Variants in AMH observed in about 807,000 individuals in gnomAD.
AMH encodes anti-Mullerian hormone.
A neutral mutation model predicts 33.3 loss-of-function variants in AMH; 39 were observed. That is an observed-to-expected ratio of 1.17 (90% CI 0.91 to 1.53). The LOEUF (loss-of-function observed/expected upper bound fraction) is 1.53, where lower values mean the gene tolerates loss of function less well. Ranked by LOEUF, AMH falls within the 40% of genes most tolerant of loss-of-function variation. The pLI is 0.00. For missense variants in AMH, 1,019 were observed against 799.8 expected (o/e 1.27, Z -3.30); for synonymous variants, 536 against 403.0 (o/e 1.33, Z -3.95).
Position 2,251,531 on chromosome 19 carries a change from C to T in AMH, c.1257C>T (p.Gly419=), listed in dbSNP as rs1443896313. Residue 419 remains glycine (G), a synonymous_variant, in exon 5 of 5, where the codon GGC becomes GGT. Transcript: ENST00000221496. ...GCCCAGGTGGCCCCGGCGGCCTCGG[C>T]GATCCCCTGCGAGCGCTGCTGCTCC... ...ALCPGGPGGL[G]DPLRALLLLK... 1 of 1,340,306 alleles carries T rather than the reference C, an allele frequency of 7.5e-7. No homozygotes were observed. The highest frequency in any genetic ancestry group is 9.5e-7 in the Non-Finnish European group (1 of 1,048,118). The allele number at this position is 1,340,306 out of a possible 1,614,324, so 83.0% of individuals were successfully genotyped here. A position where few individuals can be genotyped will look rare whatever the true frequency, so the allele number is the denominator to read the frequency against.
intron 1 of AMH, chr19:2,249,970 A>G (rs1332338126): frequency 6.3e-6 from 4 of 633,110 alleles, no homozygotes; most frequent in South Asian, 2.1e-5. Flanking sequence ...TGCCAGGGAG[A>G]GAGCTGCTGC....
chr19:2,250,389 A>T lies in AMH; in HGVS notation c.465A>T (p.Gly155=). Residue 155 remains glycine, a synonymous_variant, in exon 2 of 5, where the codon GGA becomes GGT. Coordinates refer to ENST00000221496, the MANE Select transcript of AMH (RefSeq NM_000479.5). ...GGTTCCAGGAGCCCCCGCCTGGAGG[A>T]GCTGGCCCCCCAGAGCTGGCGCTGC... ...SLRFQEPPPG[G]AGPPELALLV... is the part of the protein sequence containing the mutation. 2 of 1,588,324 alleles carry T rather than the reference A, an allele frequency of 1.3e-6. No homozygotes were observed. Among genetic ancestry groups the T allele is most frequent in the Non-Finnish European group, 1.7e-6 (2 of 1,169,066 alleles).
chr19:2,250,823 G>A (rs2025025324), intron 3 of AMH, 26 bp from the exon 4 acceptor site: 3 of 1,546,952 alleles, frequency 1.9e-6, no homozygotes, highest in Non-Finnish European at 2.6e-6. Context: ...CAGCCCCTGA[G>A]CCAGCCGCGT....
chr19:2,250,808 GC>G (rs754303247), intron 3 of AMH, 40 bp from the exon 4 acceptor site: 2 of 1,539,440 alleles, frequency 1.3e-6, no homozygotes, highest in East Asian at 2.4e-5. Context: ...CTGCCCCCGG[GC>G]CCCCAGCCCC....
Position 2,249,626 on chromosome 19 carries a change from C to A in AMH, c.294C>A (p.Ala98=). The A allele has an allele frequency of 1.3e-6, 2 of 1,537,682 alleles. No homozygotes were observed. The highest frequency in any genetic ancestry group is 1.7e-4 in the Middle Eastern group (1 of 5,834). ...QRARWGPRDL[A]TFGVCNTGDR... is the part of the protein sequence containing the mutation. ...CCCGCTGGGGCCCCCGAGACCTGGC[C>A]ACCTTCGGGGTCTGCAACACCGGTG... Residue 98 remains alanine, a synonymous_variant, in exon 1 of 5, where the codon GCC becomes GCA. Coordinates refer to ENST00000221496, the MANE Select transcript of AMH (RefSeq NM_000479.5).
chr19:2,249,675 C>G lies in AMH; in HGVS notation c.343C>G (p.Leu115Val), dbSNP rs765849591. ...TGDRQAALPS[L>V]RRLGAWLRDP... Reference sequence around the variant, plus strand: ...TGACAGGCAGGCTGCCTTGCCCTCTCTACGGCGGCTGGGGGCCTGGCTGCG... The same window carrying G: ...TGACAGGCAGGCTGCCTTGCCCTCTGTACGGCGGCTGGGGGCCTGGCTGCG... The change falls in exon 1 of 5, where the codon CTA (leucine) becomes GTA (valine). Residue 115 changes from leucine to valine, a missense_variant. Coordinates refer to ENST00000221496, the MANE Select transcript of AMH (RefSeq NM_000479.5). 4.0e-6 allele frequency: 6 copies of G among 1,503,614 alleles called. No individual in the cohort carries two copies. The highest frequency in any genetic ancestry group is 2.8e-5 in the African/African-American group (2 of 71,692). 93.1% of individuals were successfully genotyped at this position (1,503,614 alleles called of 1,614,324 possible). A position where few individuals can be genotyped will look rare whatever the true frequency, so the allele number is the denominator to read the frequency against.
At chr19:2,249,840 C>T in intron 1 of AMH, 96 bp downstream of exon 1, 2 of 1,354,040 alleles carry the variant, frequency 1.5e-6, no homozygotes, top group South Asian at 1.6e-5. Flanking sequence ...AGCCCCCACC[C>T]TGGGCAGGGA....
At position 2,251,837 on chromosome 19, in the gene AMH, G is replaced by A. The variant is rs149702309; in HGVS notation, c.1563G>A (p.Ala521=). 3 of 1,599,082 alleles carry A rather than the reference G, an allele frequency of 1.9e-6. No individual in the cohort carries two copies. Among genetic ancestry groups the A allele is most frequent in the Non-Finnish European group, 2.5e-6 (3 of 1,177,452 alleles). Residue 521 remains alanine, a synonymous_variant, in exon 5 of 5, where the codon GCG becomes GCA. Transcript: ENST00000221496. ...TGCAGGTCCGTGGGGCCGCCCTGGC[G>A]CGCCCACCCTGCTGCGTGCCCACCG... is the stretch of plus-strand genomic sequence containing the variant. ...LKMQVRGAAL[A]RPPCCVPTAY...
chr19:2,249,825 G>A, intron 1 of AMH, 81 bp downstream of exon 1: 1 of 1,388,768 alleles, frequency 7.2e-7, no homozygotes, highest in Non-Finnish European at 9.4e-7. Flanking sequence ...ATCAGGGGCT[G>A]GCAGAGCCCC....
At chr19:2,250,210 G>A (rs2025004182) in intron 1 of AMH, 127 bp from the exon 2 acceptor site, 3 of 1,458,966 alleles carry the variant, frequency 2.1e-6, no homozygotes, top group African/African-American at 1.4e-5. Context: ...AGGCAGCTAA[G>A]AGGGGCACCC....
chr19:2,251,218 T>G lies in AMH; in HGVS notation c.944T>G (p.Leu315Arg). The change falls in exon 5 of 5, where the codon CTG (leucine) becomes CGG (arginine). Residue 315 changes from leucine to arginine, a missense_variant. By Grantham distance (102) the Leu-to-Arg change is moderately radical. Coordinates refer to ENST00000221496, the MANE Select transcript of AMH (RefSeq NM_000479.5). ...PARASAPRLA[L>R]DPDALAGFPQ... ...CGGGCCTCCGCGCCGCGCCTGGCCC[T>G]GGATCCGGACGCGCTGGCCGGCTTC... 1 of 1,503,164 alleles carries G rather than the reference T, an allele frequency of 6.7e-7. No individual in the cohort carries two copies. The highest frequency in any genetic ancestry group is 1.4e-5 in the African/African-American group (1 of 69,066). 93.1% of individuals were successfully genotyped at this position (1,503,164 alleles called of 1,614,324 possible).
Position 2,250,633 on chromosome 19 carries a change from T to C in AMH, c.556-19T>C. On this transcript the variant is annotated intron_variant, in intron 2 of 4. Transcript: ENST00000221496. ...TGGGTAAGCCTCCATCCAGCCGGGC[T>C]GAGCCCTGGTCTCCGCAGAGCCTCT... 6.5e-7 allele frequency: 1 copy of C among 1,538,174 alleles called. No homozygotes were observed.
At position 2,249,590 on chromosome 19, in the gene AMH, C is replaced by A. The variant is rs111431303; in HGVS notation, c.258C>A (p.Ala86=). The part of the protein sequence containing the change: ...LSAYEQAFLG[A]VQRARWGPRD... ...CCTATGAGCAGGCCTTCCTGGGGGC[C>A]GTGCAGAGGGCCCGCTGGGGCCCCC... Residue 86 remains alanine (A), a synonymous_variant, in exon 1 of 5, where the codon GCC becomes GCA. Transcript: ENST00000221496. 1.3e-6 allele frequency: 2 copies of A among 1,560,004 alleles called. No individual in the cohort carries two copies. The highest frequency in any genetic ancestry group is 1.2e-5 in the South Asian group (1 of 86,418).
chr19:2,251,905 T>C lies in AMH; in HGVS notation c.1631T>C (p.Ile544Thr). The stretch of plus-strand genomic sequence containing the variant: ...CTCATCAGCCTGTCGGAGGAGCGCA[T>C]CAGCGCGCACCACGTGCCCAACATG... ...KLLISLSEER[I>T]SAHHVPNMVA... The change falls in exon 5 of 5, where the codon ATC becomes ACC. Residue 544 changes from isoleucine (I) to threonine (T), a missense_variant. Coordinates refer to ENST00000221496, the MANE Select transcript of AMH (RefSeq NM_000479.5). 6.4e-7 allele frequency: 1 copy of C among 1,565,740 alleles called. No individual in the cohort carries two copies. The highest frequency in any genetic ancestry group is 8.6e-7 in the Non-Finnish European group (1 of 1,164,276).
rs1470345472 is a variant in AMH, at chr19:2,251,270, C to T, written c.996C>T (p.Asp332=). 3 of 1,504,832 alleles carry T rather than the reference C, an allele frequency of 2.0e-6. No homozygotes were observed. The highest frequency in any genetic ancestry group is 2.6e-6 in the Non-Finnish European group (3 of 1,134,688). The allele number at this position is 1,504,832 out of a possible 1,614,324, so 93.2% of individuals were successfully genotyped here. Reference sequence around the variant, plus strand: ...CGCAGGGCCTAGTCAACCTGTCGGACCCCGCGGCGCTGGAGCGCCTACTCG... The same window carrying T: ...CGCAGGGCCTAGTCAACCTGTCGGATCCCGCGGCGCTGGAGCGCCTACTCG... The part of the protein sequence containing the change: ...GFPQGLVNLS[D]PAALERLLDG... The change falls in exon 5 of 5, where the codon GAC becomes GAT. Residue 332 remains aspartate (D), a synonymous_variant. Coordinates refer to ENST00000221496, the MANE Select transcript of AMH (RefSeq NM_000479.5).
In AMH at chr19:2,250,479, G is replaced by A. The variant is rs2145027798; in HGVS notation, c.555G>A (p.Gln185=). Residue 185 remains glutamine, a splice_region_variant and synonymous_variant, in exon 2 of 5, where the codon CAG becomes CAA. Coordinates refer to ENST00000221496, the MANE Select transcript of AMH (RefSeq NM_000479.5). ...TVTRAGLPGA[Q]SLCPSRDTRY... ...CGAGGGCTGGGCTGCCGGGTGCCCA[G>A]GTACCAGGGAGTTGCATGGGGCAGT... The A allele has an allele frequency of 6.5e-7, 1 of 1,548,054 alleles. No homozygotes were observed. Among genetic ancestry groups the A allele is most frequent in the Non-Finnish European group, 8.7e-7 (1 of 1,147,140 alleles).
In AMH at chr19:2,249,445, T is replaced by C. The variant is rs1350913582; in HGVS notation, c.113T>C (p.Ile38Thr). 1.9e-6 allele frequency: 3 copies of C among 1,604,142 alleles called. No homozygotes were observed. Among genetic ancestry groups the C allele is most frequent in the East Asian group, 2.2e-5 (1 of 44,514 alleles). ...EEPAVGTSGL[I>T]FREDLDWPPG... ...CCAGCTGTGGGCACCAGTGGCCTCA[T>C]CTTCCGAGAAGACTTGGACTGGCCT... Residue 38 changes from isoleucine to threonine, a missense_variant, in exon 1 of 5, where the codon ATC (isoleucine) becomes ACC (threonine). Ile to Thr is a moderately conservative substitution (Grantham distance 89). Coordinates refer to ENST00000221496, the MANE Select transcript of AMH (RefSeq NM_000479.5).
In AMH at chr19:2,251,708, C is replaced by T. The variant is rs753001524; in HGVS notation, c.1434C>T (p.Leu478=). 2 of 1,611,764 alleles carry T rather than the reference C, an allele frequency of 1.2e-6. No homozygotes were observed. The highest frequency in any genetic ancestry group is 1.3e-5 in the African/African-American group (1 of 75,016). The change falls in exon 5 of 5, where the codon CTC becomes CTT. Residue 478 remains leucine, a synonymous_variant. Transcript: ENST00000221496. ...ACCTCCGCGCCGAGCGCTCCGTACT[C>T]ATCCCCGAGACCTACCAGGCCAACA... The part of the protein sequence containing the change: ...SVDLRAERSV[L]IPETYQANNC...
chr19:2,251,031 G>C (rs776344517), intron 4 of AMH, 23 bp downstream of exon 4: 4 of 1,518,188 alleles, frequency 2.6e-6, no homozygotes, highest in South Asian at 2.4e-5. Context: ...ACCGGGACAC[G>C]GGGCAGGAGC....
Sources: allele counts gnomAD v4.1 joint callset, GRCh38; gene constraint gnomAD v4.1.1; transcripts MANE v1.5; gene names NCBI Gene and HGNC (gene_info 2026-07-23, HGNC 2026-07-21).